The following DCDC1 variants were observed in gnomAD, a reference collection of about 807,000 sequenced individuals.
The protein encoded by DCDC1 is doublecortin domain containing 1.
Under a neutral mutation model 178.3 loss-of-function variants are expected in DCDC1, and 200 were observed. The ratio of observed to expected loss-of-function variants is 1.12; its 90% CI spans 1.00 to 1.26. The LOEUF (loss-of-function observed/expected upper bound fraction) is 1.26, where lower values mean the gene tolerates loss of function less well. DCDC1 is among the 50% of genes most tolerant of loss of function. DCDC1 has a pLI of 0.00. For synonymous variants in DCDC1, 690 were observed against 604.8 expected (o/e 1.14, Z -2.07); for missense variants, 1,983 against 1,749.2 (o/e 1.13, Z -2.38).
chr11:31,341,454 C>T (rs1251457663), intron 1 of DCDC1, among the ~76,000 whole-genome samples: 1 of 142,258 alleles, frequency 7.0e-6, no homozygotes, highest in Non-Finnish European at 1.5e-5. Context: ...TGTTGCTTAA[C>T]AACGGGGATA....
intron 11 of DCDC1, among the ~76,000 whole-genome samples, chr11:31,111,419 GAA>G (rs1187097753): frequency 1.3e-5 from 2 of 151,880 alleles, no homozygotes; most frequent in Non-Finnish European, 2.9e-5. Context: ...CATAAAAAAA[GAA>G]AAATAAAAAG....
chr11:31,186,955 T>C (rs777226226), intron 9 of DCDC1, among the ~76,000 whole-genome samples: 1 of 152,200 alleles, frequency 6.6e-6, no homozygotes, highest in Non-Finnish European at 1.5e-5. Flanking sequence ...TTCCCTGTTA[T>C]GGTGCCCTCA....
chr11:31,242,760 T>C (rs189387259), intron 8 of DCDC1, among the ~76,000 whole-genome samples: 12 of 152,068 alleles, frequency 7.9e-5, no homozygotes, highest in Middle Eastern at 6.8e-3. Context: ...GCTGAGAGGC[T>C]GAGTTATGCA....
chr11:31,251,216 G>GTTGTGATAA (rs1465021662), intron 8 of DCDC1, among the ~76,000 whole-genome samples: 1 of 152,182 alleles, frequency 6.6e-6, no homozygotes, highest in East Asian at 1.9e-4. Flanking sequence ...ATTAATTGCA[G>GTTGTGATAA]TTGTGATAAT....
chr11:30,936,706 T>C (rs1947299897), intron 21 of DCDC1, among the ~76,000 whole-genome samples: 2 of 152,110 alleles, frequency 1.3e-5, no homozygotes, highest in African/African-American at 4.8e-5. Context: ...TCCTTTCCCT[T>C]TAGGCACACT....
chr11:31,361,539 T>C (rs1951709168), intron 1 of DCDC1, among the ~76,000 whole-genome samples: 2 of 152,176 alleles, frequency 1.3e-5, no homozygotes, highest in South Asian at 2.1e-4. Flanking sequence ...TGGAGTGCAG[T>C]GGTGTGATCT....
intron 9 of DCDC1, among the ~76,000 whole-genome samples, chr11:31,145,366 G>A (rs1964330317): frequency 6.6e-6 from 1 of 152,156 alleles, no homozygotes; most frequent in Non-Finnish European, 1.5e-5. Flanking sequence ...TCGAAGATAG[G>A]AACGAGTGCG....
chr11:30,900,592 T>A, intron 32 of DCDC1, 94 bp from the exon 33 acceptor site: 1 of 1,218,154 alleles, frequency 8.2e-7, no homozygotes, highest in Non-Finnish European at 1.1e-6. Context: ...TATTATTCAT[T>A]AATAACTTAA....
At chr11:30,947,314 T>C (rs899364038) in intron 21 of DCDC1, among the ~76,000 whole-genome samples, 11 of 152,316 alleles carry the variant, frequency 7.2e-5, no homozygotes, top group African/African-American at 2.6e-4. Flanking sequence ...GACTTGAAAT[T>C]GTACTACAAA....
At chr11:31,004,543 C>T (rs927360606) in intron 20 of DCDC1, among the ~76,000 whole-genome samples, 2 of 149,818 alleles carry the variant, frequency 1.3e-5, no homozygotes, top group African/African-American at 2.5e-5. Context: ...ATTAGCTGGG[C>T]GTGGAGGCAG....
intron 22 of DCDC1, among the ~76,000 whole-genome samples, chr11:30,928,789 T>G (rs112391304): frequency 0.027 from 4,048 of 150,832 alleles, 177 homozygotes; most frequent in African/African-American, 0.092. Context: ...ATATTTTCAC[T>G]ATTTTATTTC....
intron 6 of DCDC1, among the ~76,000 whole-genome samples, chr11:31,304,127 C>A (rs997618417): frequency 6.6e-6 from 1 of 152,006 alleles, no homozygotes; most frequent in African/African-American, 2.4e-5. Context: ...TTAGTTAGTA[C>A]ATTTAAAAAT....
At chr11:31,008,406 T>C (rs1201885504) in intron 20 of DCDC1, among the ~76,000 whole-genome samples, 2 of 152,060 alleles carry the variant, frequency 1.3e-5, no homozygotes, top group Non-Finnish European at 2.9e-5. Flanking sequence ...GAGAGTCTCT[T>C]AAAAATTCAC....
intron 9 of DCDC1, among the ~76,000 whole-genome samples, chr11:31,214,859 C>T (rs1488668930): frequency 6.6e-6 from 1 of 151,560 alleles, no homozygotes; most frequent in Non-Finnish European, 1.5e-5. Context: ...TGCTTCTTAC[C>T]TTCAATAATT....
chr11:31,350,667 C>T (rs1471035432), intron 1 of DCDC1, among the ~76,000 whole-genome samples: 4 of 152,086 alleles, frequency 2.6e-5, no homozygotes, highest in African/African-American at 4.8e-5. Flanking sequence ...AAACAATATG[C>T]TCATTGTTCT....
intron 2 of DCDC1, 109 bp from the exon 3 acceptor site, chr11:31,328,395 C>A: frequency 9.5e-7 from 1 of 1,056,782 alleles, no homozygotes; most frequent in South Asian, 2.3e-5. Flanking sequence ...GATTCTAGAC[C>A]ATATAGCAAT....
intron 27 of DCDC1, among the ~76,000 whole-genome samples, chr11:30,914,020 T>C (rs1428439458): frequency 2.0e-5 from 3 of 152,232 alleles, no homozygotes; most frequent in Non-Finnish European, 4.4e-5. Flanking sequence ...GTCAGCTCCA[T>C]AAGAGTAAAG....
intron 7 of DCDC1, among the ~76,000 whole-genome samples, chr11:31,287,607 A>T (rs919825370): frequency 2.0e-5 from 3 of 152,042 alleles, no homozygotes; most frequent in African/African-American, 4.8e-5. Flanking sequence ...AATCAGTCTG[A>T]TATCAGACTT....
intron 21 of DCDC1, chr11:30,943,307 A>G (rs1237805731): frequency 6.4e-6 from 1 of 155,326 alleles, no homozygotes; most frequent in African/African-American, 2.4e-5. Flanking sequence ...TCTATTTGCT[A>G]TTAACAATAT....
Sources: allele counts gnomAD v4.1 joint callset (sites outside exome capture counted in the v4.1 genomes callset), GRCh38; gene constraint gnomAD v4.1.1; transcripts MANE v1.5; gene names NCBI Gene and HGNC (gene_info 2026-07-23, HGNC 2026-07-21).